The following LTBP1 variants were observed in gnomAD, a reference collection of about 807,000 sequenced individuals.
LTBP1 encodes latent-transforming growth factor beta-binding protein 1.
LTBP1 carries 129 observed loss-of-function variants against 207.6 expected under a neutral mutation model. That is an observed-to-expected ratio of 0.62 (90% confidence interval 0.54 to 0.72). The LOEUF (loss-of-function observed/expected upper bound fraction) is 0.72. Ranked by LOEUF, LTBP1 falls within the 30% of genes least tolerant of loss-of-function variation. LTBP1 has a pLI of 0.00. For synonymous variants in LTBP1, 963 were observed against 833.7 expected, an observed-to-expected ratio of 1.16 and a Z score of -2.67; for missense variants, 2,281 against 2,217.2, an observed-to-expected ratio of 1.03 and a Z score of -0.58.
At chr2:33,270,589 C>CAAAAAAA (rs397961095) in intron 15 of LTBP1, among the ~76,000 whole-genome samples, 6 of 75,342 alleles carry the variant, frequency 8.0e-5, no homozygotes, top group East Asian at 3.7e-4. Flanking sequence ...GACTCCGTCT[C>CAAAAAAA]AAAAAAAAAA....
chr2:33,009,921 G>T (rs1005174535), intron 2 of LTBP1, among the ~76,000 whole-genome samples: 5 of 152,166 alleles, frequency 3.3e-5, no homozygotes, highest in African/African-American at 9.7e-5. Context: ...CCAATAAGAG[G>T]ACAAGGCCAG....
intron 2 of LTBP1, among the ~76,000 whole-genome samples, chr2:33,011,938 G>A (rs948576824): frequency 1.3e-5 from 2 of 151,968 alleles, no homozygotes; most frequent in East Asian, 1.9e-4. Flanking sequence ...ATTTCTCTCC[G>A]ATTTCAGGTC....
intron 5 of LTBP1, among the ~76,000 whole-genome samples, chr2:33,148,234 T>C (rs2083209072): frequency 6.6e-6 from 1 of 152,232 alleles, no homozygotes; most frequent in East Asian, 1.9e-4. Context: ...GTTAAGCATT[T>C]TGACGATATT....
At chr2:33,082,098 T>C (rs577581917) in intron 3 of LTBP1, among the ~76,000 whole-genome samples, 1 of 152,328 alleles carries the variant, frequency 6.6e-6, no homozygotes, top group South Asian at 2.1e-4. Flanking sequence ...AAGAGGTGAT[T>C]AGGCCGTGAG....
Position 33,215,716 on chromosome 2 carries a change from G to GTTTT in LTBP1, c.1702-1833_1702-1830dup, listed in dbSNP as rs1287189048. Among the ~76,000 whole-genome samples, 321 of 139,020 alleles carry GTTTT rather than the reference G, an allele frequency of 2.3e-3. 5 individuals carry two copies. Among genetic ancestry groups the GTTTT allele is most frequent in the Middle Eastern group, 7.8e-3 (2 of 256 alleles). 91.2% of individuals were successfully genotyped at this position (139,020 alleles called of 152,430 possible). A position where few individuals can be genotyped will look rare whatever the true frequency, so the allele number is the denominator to read the frequency against. ...GCTAAACTTCCATTGGTTTTCTTTTGTTTTTTGTTTTTTTTTTTTGAGATA... is the reference window on the plus strand; with the variant it reads ...GCTAAACTTCCATTGGTTTTCTTTTGTTTTTTTTTTGTTTTTTTTTTTTGAGATA... On this transcript the variant is annotated intron_variant, in intron 7 of 33. Coordinates refer to ENST00000404816, the MANE Select transcript of LTBP1 (RefSeq NM_206943.4).
intron 31 of LTBP1, among the ~76,000 whole-genome samples, chr2:33,387,173 C>A (rs946109503): frequency 2.0e-5 from 3 of 152,176 alleles, no homozygotes; most frequent in African/African-American, 7.2e-5. Flanking sequence ...TAGATCACAA[C>A]TGTGGCTTCA....
intron 20 of LTBP1, among the ~76,000 whole-genome samples, chr2:33,299,894 A>G (rs1302283731): frequency 6.6e-6 from 1 of 152,218 alleles, no homozygotes; most frequent in Non-Finnish European, 1.5e-5. Context: ...CTCCTTTGGT[A>G]TTCAGCAGTC....
chr2:33,309,275 C>T (rs1399913130), intron 22 of LTBP1, among the ~76,000 whole-genome samples, 159 bp from the exon 23 acceptor site: 5 of 141,234 alleles, frequency 3.5e-5, no homozygotes, highest in South Asian at 2.2e-4. Context: ...GGCAAGACTC[C>T]GTCTCAAAAA....
At chr2:33,300,620 C>G (rs765740933) in intron 21 of LTBP1, 47 bp downstream of exon 21, 2 of 1,578,744 alleles carry the variant, frequency 1.3e-6, no homozygotes, top group Admixed American at 1.8e-5. Flanking sequence ...CTTAAAGCAC[C>G]TGGTCTGAAA....
intron 9 of LTBP1, among the ~76,000 whole-genome samples, chr2:33,228,858 C>G (rs1174559408): frequency 2.6e-5 from 4 of 151,262 alleles, no homozygotes; most frequent in African/African-American, 9.7e-5. Flanking sequence ...CGCCACCACA[C>G]CCGGCTAATT....
chr2:33,146,480 G>A (rs568858682), intron 5 of LTBP1, among the ~76,000 whole-genome samples: 8 of 152,322 alleles, frequency 5.3e-5, no homozygotes, highest in Non-Finnish European at 5.9e-5. Context: ...TGCTTTGCAT[G>A]TCCCTATTCA....
At chr2:33,281,106 C>A (rs2093552041) in intron 19 of LTBP1, among the ~76,000 whole-genome samples, 1 of 152,018 alleles carries the variant, frequency 6.6e-6, no homozygotes, top group Admixed American at 6.6e-5. Context: ...ACTGTATATC[C>A]CCAGAGTTGT....
intron 3 of LTBP1, among the ~76,000 whole-genome samples, chr2:33,028,928 T>G (rs915984324): frequency 1.3e-5 from 2 of 152,156 alleles, no homozygotes; most frequent in Admixed American, 6.5e-5. Context: ...GTACTATAAA[T>G]CCAGTTTATG....
intron 8 of LTBP1, among the ~76,000 whole-genome samples, chr2:33,221,761 A>G (rs1319022697): frequency 2.6e-5 from 4 of 152,214 alleles, no homozygotes; most frequent in Non-Finnish European, 4.4e-5. Context: ...CCTAAAGCAC[A>G]TCAATGGGGA....
At chr2:32,997,324 A>G (rs917474774) in intron 2 of LTBP1, among the ~76,000 whole-genome samples, 1 of 152,252 alleles carries the variant, frequency 6.6e-6, no homozygotes, top group African/African-American at 2.4e-5. Flanking sequence ...CAGCTGGGCA[A>G]CAAAACAAGA....
intron 9 of LTBP1, among the ~76,000 whole-genome samples, chr2:33,225,043 A>C (rs1365911064): frequency 3.9e-5 from 6 of 152,152 alleles, no homozygotes; most frequent in Non-Finnish European, 7.4e-5. Flanking sequence ...AATTTCTATC[A>C]GTCTAGATTC....
At chr2:33,347,096 C>G (rs374470495) in intron 25 of LTBP1, among the ~76,000 whole-genome samples, 1 of 125,880 alleles carries the variant, frequency 7.9e-6, no homozygotes, top group Non-Finnish European at 1.6e-5. Flanking sequence ...CCAGCCTGGG[C>G]GACAGAGCGA....
chr2:32,992,636 G>T (rs79766353), intron 2 of LTBP1, among the ~76,000 whole-genome samples: 14 of 152,124 alleles, frequency 9.2e-5, no homozygotes, highest in Non-Finnish European at 1.5e-4. Context: ...CAGAGCTTCG[G>T]CATCTTAGTC....
At chr2:33,049,293 G>T (rs1411190860) in intron 3 of LTBP1, among the ~76,000 whole-genome samples, 3 of 152,196 alleles carry the variant, frequency 2.0e-5, no homozygotes, top group African/African-American at 7.2e-5. Context: ...TAAGACCAAT[G>T]AAATGACATT....
Sources: allele counts gnomAD v4.1 joint callset (sites outside exome capture counted in the v4.1 genomes callset), GRCh38; gene constraint gnomAD v4.1.1; transcripts MANE v1.5; gene names NCBI Gene and HGNC (gene_info 2026-07-23, HGNC 2026-07-21).